Variants in ASRGL1 observed in about 807,000 individuals in gnomAD.
The protein encoded by ASRGL1 is isoaspartyl peptidase/L-asparaginase.
In ASRGL1, 16 loss-of-function variants were observed where a neutral mutation model predicts 22.4. The ratio of observed to expected loss-of-function variants is 0.71; its 90% CI spans 0.48 to 1.08. The LOEUF (loss-of-function observed/expected upper bound fraction) is 1.08. Ranked by LOEUF, ASRGL1 falls within the 50% of genes least tolerant of loss-of-function variation. ASRGL1 has a pLI of 0.00. For missense variants in ASRGL1, 412 were observed against 410.1 expected (o/e 1.00, Z -0.04); for synonymous variants, 165 against 159.3 (o/e 1.04, Z -0.27).
At chr11:62,362,550 AACATATAT>A (rs1946471378) in intron 4 of ASRGL1, among the ~76,000 whole-genome samples, 1 of 15,328 alleles carries the variant, frequency 6.5e-5, no homozygotes, top group East Asian at 2.7e-3. Flanking sequence ...TAAAATATAT[AACATATAT>A]TATTTATATA....
intron 2 of ASRGL1, among the ~76,000 whole-genome samples, chr11:62,352,283 A>G (rs1289430677): frequency 6.6e-6 from 1 of 152,124 alleles, no homozygotes. Context: ...ACCACCTACA[A>G]GCCAAGAGAG....
At chr11:62,389,446 T>C in intron 5 of ASRGL1, 195 bp downstream of exon 5, 2 of 672,320 alleles carry the variant, frequency 3.0e-6, no homozygotes, top group Admixed American at 2.1e-5. Flanking sequence ...TGTTTGTATC[T>C]GGCGCCACTG....
the ASRGL1 span, among the ~76,000 whole-genome samples, chr11:62,400,110 G>A: frequency 1.3e-5 from 2 of 152,210 alleles, no homozygotes; most frequent in South Asian, 2.1e-4. Flanking sequence ...CCCCTTGGCC[G>A]ACTTTCAAGG....
At chr11:62,362,890 AATTT>A (rs1946513968) in intron 4 of ASRGL1, among the ~76,000 whole-genome samples, 1 of 72,362 alleles carries the variant, frequency 1.4e-5, no homozygotes, top group Non-Finnish European at 2.4e-5. Context: ...TAAAGGATTT[AATTT>A]TTTTTTTTTT....
chr11:62,399,847 C>A, the ASRGL1 span, among the ~76,000 whole-genome samples: 2 of 152,146 alleles, frequency 1.3e-5, no homozygotes, highest in Non-Finnish European at 2.9e-5. Flanking sequence ...CTCTGAGACC[C>A]CATACCACAC....
downstream of ASRGL1, among the ~76,000 whole-genome samples, chr11:62,396,865 A>G (rs1273122096): frequency 6.6e-6 from 1 of 151,998 alleles, no homozygotes; most frequent in Non-Finnish European, 1.5e-5. Context: ...AACTCAGATA[A>G]GTGTTAGAGT....
intron 2 of ASRGL1, among the ~76,000 whole-genome samples, chr11:62,339,384 C>T (rs1340092099): frequency 6.6e-6 from 1 of 152,156 alleles, no homozygotes; most frequent in Non-Finnish European, 1.5e-5. Flanking sequence ...AATAATGAGG[C>T]ATGTCCTACC....
chr11:62,394,729 A>C (rs1947411953), downstream of ASRGL1, among the ~76,000 whole-genome samples: 1 of 152,180 alleles, frequency 6.6e-6, no homozygotes, highest in Non-Finnish European at 1.5e-5. Context: ...GCTTGTGGCC[A>C]CTTGACCTCT....
downstream of ASRGL1, among the ~76,000 whole-genome samples, chr11:62,395,055 T>A (rs2134712908): frequency 6.6e-6 from 1 of 152,316 alleles, no homozygotes; most frequent in South Asian, 2.1e-4. Context: ...AGGTACTCTA[T>A]CTGGATCAGA....
chr11:62,362,373 A>T (rs1364614385), intron 4 of ASRGL1, among the ~76,000 whole-genome samples: 1 of 146,996 alleles, frequency 6.8e-6, no homozygotes, highest in Non-Finnish European at 1.5e-5. Flanking sequence ...ATGGACTTTA[A>T]CAAAAAGTGA....
At chr11:62,386,485 T>TCATGC (rs1555009083) in intron 4 of ASRGL1, among the ~76,000 whole-genome samples, 1 of 141,962 alleles carries the variant, frequency 7.0e-6, no homozygotes, top group Admixed American at 7.0e-5. Context: ...TATGTACATA[T>TCATGC]ATATGTACAT....
intron 4 of ASRGL1, chr11:62,372,944 C>G: frequency 1.3e-6 from 2 of 1,509,574 alleles, no homozygotes; most frequent in South Asian, 2.3e-5. Context: ...TTGTGGCAGC[C>G]GATGAGAGCA....
In ASRGL1 at chr11:62,362,567, T is replaced by A. The variant is rs1346689565; in HGVS notation, c.491+5423T>A. Among the ~76,000 whole-genome samples the A allele has an allele frequency of 3.3e-3, 46 of 14,100 alleles. 3 individuals carry two copies. Among genetic ancestry groups the A allele is most frequent in the African/African-American group, 7.6e-3 (19 of 2,506 alleles). 9.3% of individuals were successfully genotyped at this position (14,100 alleles called of 152,430 possible). ...AAATATATAACATATATTATTTATA[T>A]AATATATATTATATAAAATATATAA... On this transcript the variant is annotated intron_variant, in intron 4 of 6. Transcript: ENST00000415229.
intron 3 of ASRGL1, among the ~76,000 whole-genome samples, chr11:62,356,684 C>T (rs1946304812): frequency 2.0e-5 from 3 of 152,210 alleles, no homozygotes; most frequent in African/African-American, 4.8e-5. Context: ...ATTTTCTTCA[C>T]ACCACATACA....
At chr11:62,362,908 T>A (rs1196775420) in intron 4 of ASRGL1, among the ~76,000 whole-genome samples, 1 of 38,350 alleles carries the variant, frequency 2.6e-5, no homozygotes, top group East Asian at 5.9e-4. Flanking sequence ...TTTTTTTTTT[T>A]TTTTTTTTTT....
At chr11:62,364,458 A>G (rs1946562322) in intron 4 of ASRGL1, among the ~76,000 whole-genome samples, 1 of 150,648 alleles carries the variant, frequency 6.6e-6, no homozygotes, top group South Asian at 2.1e-4. Context: ...AATTAAAAAT[A>G]GAACTACCTT....
At chr11:62,376,982 C>T (rs1001914627) in intron 4 of ASRGL1, among the ~76,000 whole-genome samples, 32 of 152,306 alleles carry the variant, frequency 2.1e-4, no homozygotes, top group Non-Finnish European at 4.0e-4. Flanking sequence ...TGCGTGACAT[C>T]CATTTGCCAT....
chr11:62,398,763 C>T, the ASRGL1 span, among the ~76,000 whole-genome samples: 71,667 of 152,046 alleles, frequency 0.47, 17,076 homozygotes, highest in Middle Eastern at 0.58. Context: ...CACAATCTTC[C>T]GGGCCATCTT....
chr11:62,356,754 T>G (rs1946306215), intron 3 of ASRGL1, among the ~76,000 whole-genome samples: 1 of 152,196 alleles, frequency 6.6e-6, no homozygotes, highest in Admixed American at 6.5e-5. Flanking sequence ...TCTCTAAATT[T>G]AACGTATATG....
Sources: allele counts gnomAD v4.1 joint callset (sites outside exome capture counted in the v4.1 genomes callset), GRCh38; gene constraint gnomAD v4.1.1; transcripts MANE v1.5; gene names NCBI Gene and HGNC (gene_info 2026-07-23, HGNC 2026-07-21).